The following LPAR5 variants were observed in gnomAD, a reference collection of about 807,000 sequenced individuals.
LPAR5 encodes the protein G protein-coupled receptor 92.
For missense variants in LPAR5, 544 were observed against 521.8 expected (o/e 1.04, Z -0.41); for synonymous variants, 271 against 261.6 (o/e 1.04, Z -0.35).
chr12:6,619,418 A>G lies in LPAR5; in HGVS notation c.*712T>C, dbSNP rs1948866978. 6.5e-6 allele frequency: 1 copy of G among 153,496 alleles called. No individual in the cohort carries two copies. Among genetic ancestry groups the G allele is most frequent in the Non-Finnish European group, 1.5e-5 (1 of 68,936 alleles). The allele number at this position is 153,496 out of a possible 1,614,324, so 9.5% of individuals were successfully genotyped here. On this transcript the variant is annotated 3_prime_UTR_variant, in exon 2 of 2. Transcript: ENST00000329858. Reference sequence around the variant, plus strand: ...AGAGAGAGAAAAAGAAAGAATATTAAGGACCTAAAATGGAGGAGGCCTGGA... The same window carrying G: ...AGAGAGAGAAAAAGAAAGAATATTAGGGACCTAAAATGGAGGAGGCCTGGA...
chr12:6,625,467 A>G (rs948497732), intron 1 of LPAR5, among the ~76,000 whole-genome samples: 3 of 148,982 alleles, frequency 2.0e-5, no homozygotes, highest in Admixed American at 6.8e-5. Flanking sequence ...CATGCCTGTA[A>G]TCCCAGCACT....
chr12:6,634,081 C>A (rs1394340711), intron 1 of LPAR5, among the ~76,000 whole-genome samples: 2 of 152,064 alleles, frequency 1.3e-5, no homozygotes, highest in Non-Finnish European at 2.9e-5. Context: ...TCTCAGCTCA[C>A]TGCAACCTCC....
At chr12:6,624,889 G>A (rs145091553) in intron 1 of LPAR5, among the ~76,000 whole-genome samples, 129 of 151,562 alleles carry the variant, frequency 8.5e-4, no homozygotes, top group African/African-American at 2.9e-3. Flanking sequence ...CAAAGTGCTG[G>A]GATTACAGAT....
In LPAR5 at chr12:6,620,232, G is replaced by A. The variant is rs374223426; in HGVS notation, c.1017C>T (p.Thr339=). 1.9e-6 allele frequency: 3 copies of A among 1,611,612 alleles called. No homozygotes were observed. The highest frequency in any genetic ancestry group is 1.3e-5 in the African/African-American group (1 of 75,040). The stretch of plus-strand genomic sequence containing the variant: ...TGGCGGCATCCGGCCTGGTGGCGTC[G>A]GTGGTGACGGCGGACCTTTCGGATT... The part of the protein sequence containing the change: ...LAQSERSAVT[T]DATRPDAASQ... The change falls in exon 2 of 2, where the codon ACC becomes ACT. Residue 339 remains threonine, a synonymous_variant. Transcript: ENST00000329858. This position sits in a 1 kb window ranked among gnomAD's most constrained non-coding sequence, Gnocchi z 6.8.
Position 6,620,390 on chromosome 12 carries a change from C to A in LPAR5, c.859G>T (p.Gly287Cys). The A allele has an allele frequency of 6.2e-7, 1 of 1,611,426 alleles. No homozygotes were observed. The highest frequency in any genetic ancestry group is 8.5e-7 in the Non-Finnish European group (1 of 1,179,216). ...GVLMVMVLLA[G>C]ANCVLDPLVY... ...AGCGGGTCCAGCACGCAGTTGGCGC[C>A]GGCCAGCAGCACCATCACCATCAGC... The change falls in exon 2 of 2, where the codon GGC becomes TGC. Residue 287 changes from glycine to cysteine, a missense_variant. By Grantham distance (159) the Gly-to-Cys change is radical. Coordinates refer to ENST00000329858, the MANE Select transcript of LPAR5 (RefSeq NM_020400.6). This position sits in a 1 kb window ranked among gnomAD's most constrained non-coding sequence, Gnocchi z 6.8.
Position 6,629,400 on chromosome 12 carries a change from C to G in LPAR5, c.-217+6507G>C, listed in dbSNP as rs7979022. Among the ~76,000 whole-genome samples, 5 of 146,956 alleles carry G rather than the reference C, an allele frequency of 3.4e-5. 1 individual carries two copies. The highest frequency in any genetic ancestry group is 3.0e-5 in the Non-Finnish European group (2 of 67,060). On this transcript the variant is annotated intron_variant, in intron 1 of 1. Coordinates refer to ENST00000329858, the MANE Select transcript of LPAR5 (RefSeq NM_020400.6). ...CAAAAAAAAAAAAAAAAGGGCCAAG[C>G]GCGGTGGCTTACACCTGTAATCCCA...
At chr12:6,626,803 G>A (rs755217770) in intron 1 of LPAR5, among the ~76,000 whole-genome samples, 2 of 152,106 alleles carry the variant, frequency 1.3e-5, no homozygotes, top group African/African-American at 2.4e-5. Flanking sequence ...AACCGCCCCC[G>A]CAACACAAGG....
In LPAR5 at chr12:6,619,806, T is replaced by C; in HGVS notation, c.*324A>G. ...CAGAATGCCCATTTTCTGTTCCATC[T>C]AACCAGCTTTTAGCAGTTTAATGCC... On this transcript the variant is annotated 3_prime_UTR_variant, in exon 2 of 2. Transcript: ENST00000329858. 1 of 475,810 alleles carries C rather than the reference T, an allele frequency of 2.1e-6. No individual in the cohort carries two copies. Among genetic ancestry groups the C allele is most frequent in the African/African-American group, 1.9e-5 (1 of 51,386 alleles). The allele number at this position is 475,810 out of a possible 1,614,324, so 29.5% of individuals were successfully genotyped here.
At position 6,620,920 on chromosome 12, in the gene LPAR5, A is replaced by T; in HGVS notation, c.329T>A (p.Ile110Asn). The T allele has an allele frequency of 6.2e-7, 1 of 1,603,246 alleles. No homozygotes were observed. The highest frequency in any genetic ancestry group is 1.7e-4 in the Middle Eastern group (1 of 6,036). The change falls in exon 2 of 2, where the codon ATC (isoleucine) becomes AAC (asparagine). Residue 110 changes from isoleucine (I) to asparagine (N), a missense_variant. Ile to Asn is a moderately radical substitution (Grantham distance 149). Transcript: ENST00000329858. The surrounding 1 kb of genome is among the most constrained non-coding windows in gnomAD (Gnocchi z 6.8). The stretch of plus-strand genomic sequence containing the variant: ...GTCCACGTTGATGAGCATCAGGAAG[A>T]TGCAGCTGCCGTACATGTTCATCTG... ...IFQMNMYGSC[I>N]FLMLINVDRY...
chr12:6,618,859 T>C lies in LPAR5; in HGVS notation c.*1271A>G, dbSNP rs1176658673. Reference sequence around the variant, plus strand: ...AGACTATCAGTAGTGATTAATTTATTTAGCACTGCCCTCTCCCCACAGTAA... The same window carrying C: ...AGACTATCAGTAGTGATTAATTTATCTAGCACTGCCCTCTCCCCACAGTAA... On this transcript the variant is annotated 3_prime_UTR_variant, in exon 2 of 2. Transcript: ENST00000329858. 1 of 152,208 alleles carries C rather than the reference T, an allele frequency of 6.6e-6. No individual in the cohort carries two copies. The highest frequency in any genetic ancestry group is 6.5e-5 in the Admixed American group (1 of 15,276). 9.4% of individuals were successfully genotyped at this position (152,208 alleles called of 1,614,324 possible).
rs1240180648 is a variant in LPAR5 at position 6,620,761 on chromosome 12, G to A, written c.488C>T (p.Ser163Leu). 1 of 1,592,134 alleles carries A rather than the reference G, an allele frequency of 6.3e-7. No homozygotes were observed. Among genetic ancestry groups the A allele is most frequent in the South Asian group, 1.1e-5 (1 of 88,628 alleles). ...CTCGAGGTCCCGGTAGCGGCAACGC[G>A]AGGGCCTGTGCACGCGGGCGGCGGG... ...AVPAARVHRP[S>L]RCRYRDLEVR... Residue 163 changes from serine (S) to leucine (L), a missense_variant, in exon 2 of 2, where the codon TCG becomes TTG. Transcript: ENST00000329858. This position sits in a 1 kb window ranked among gnomAD's most constrained non-coding sequence, Gnocchi z 6.8.
At position 6,621,002 on chromosome 12, in the gene LPAR5, C is replaced by CGTA. The variant is rs1390928898; in HGVS notation, c.244_246dup (p.Tyr82dup). The CGTA allele has an allele frequency of 5.0e-6, 8 of 1,613,198 alleles. No individual in the cohort carries two copies. Among genetic ancestry groups the CGTA allele is most frequent in the Non-Finnish European group, 6.8e-6 (8 of 1,179,710 alleles). On this transcript the variant is annotated inframe_insertion, in exon 2 of 2. Transcript: ENST00000329858. Reference sequence around the variant, plus strand: ...TCGGGGAAGGGCCAGTGGTGCAGTGCGTAGTAGGAGAGACGAACGGGCAGC... The same window carrying CGTA: ...TCGGGGAAGGGCCAGTGGTGCAGTGCGTAGTAGTAGGAGAGACGAACGGGCAGC...
At chr12:6,634,295 A>G (rs1283693256) in intron 1 of LPAR5, among the ~76,000 whole-genome samples, 1 of 150,266 alleles carries the variant, frequency 6.7e-6, no homozygotes, top group East Asian at 2.1e-4. Flanking sequence ...GTGAGCCACC[A>G]CGCTCCGCTC....
chr12:6,631,887 C>A (rs56086523), intron 1 of LPAR5, among the ~76,000 whole-genome samples: 2,700 of 152,304 alleles, frequency 0.018, 100 homozygotes, highest in African/African-American at 0.062. Context: ...CCCAGTTCCT[C>A]CCCCATACCC....
intron 1 of LPAR5, among the ~76,000 whole-genome samples, chr12:6,630,935 T>C (rs542756704): frequency 6.6e-6 from 1 of 152,262 alleles, no homozygotes; most frequent in South Asian, 2.1e-4. Context: ...CCAGGCCAGA[T>C]GGCGAAGATG....
At position 6,620,287 on chromosome 12, in the gene LPAR5, G is replaced by T; in HGVS notation, c.962C>A (p.Ala321Asp). The T allele has an allele frequency of 6.2e-7, 1 of 1,606,074 alleles. No homozygotes were observed. The highest frequency in any genetic ancestry group is 8.5e-7 in the Non-Finnish European group (1 of 1,176,326). ...GAGCGCCGCCCGCGTCCCGTTGGTG[G>T]CCGAGGTCCTGGCCCGGTGCGGAGT... ...LGTPHRARTSATNGTRAALAQ... is the reference protein window; with the variant it reads ...LGTPHRARTSDTNGTRAALAQ... The change falls in exon 2 of 2, where the codon GCC becomes GAC. Residue 321 changes from alanine (A) to aspartate (D), a missense_variant. Coordinates refer to ENST00000329858, the MANE Select transcript of LPAR5 (RefSeq NM_020400.6). This position sits in a 1 kb window ranked among gnomAD's most constrained non-coding sequence, Gnocchi z 6.8.
At chr12:6,628,974 T>C (rs1326494428) in intron 1 of LPAR5, among the ~76,000 whole-genome samples, 1 of 151,604 alleles carries the variant, frequency 6.6e-6, no homozygotes, top group Non-Finnish European at 1.5e-5. Context: ...TTTCACTATG[T>C]TGGCCAGGCT....
intron 1 of LPAR5, among the ~76,000 whole-genome samples, chr12:6,624,387 T>C (rs1948918957): frequency 6.6e-6 from 1 of 152,152 alleles, no homozygotes. Flanking sequence ...GAAATAGAAC[T>C]TTTTCATCAA....
chr12:6,620,687 G>C lies in LPAR5; in HGVS notation c.562C>G (p.Leu188Val). The change falls in exon 2 of 2, where the codon CTG becomes GTG. Residue 188 changes from leucine to valine, a missense_variant. Transcript: ENST00000329858. The surrounding 1 kb of genome is among the most constrained non-coding windows in gnomAD (Gnocchi z 6.8). ...TCGGCCAGCAGCACGAGGGGCAGCA[G>C]CCTGCCTTTCCACAGCTCGTCGCTG... ...SFSDELWKGR[L>V]LPLVLLAEAL... 1.3e-6 allele frequency: 2 copies of C among 1,570,528 alleles called. No individual in the cohort carries two copies. Among genetic ancestry groups the C allele is most frequent in the Non-Finnish European group, 1.7e-6 (2 of 1,157,738 alleles).
Sources: allele counts gnomAD v4.1 joint callset (sites outside exome capture counted in the v4.1 genomes callset), GRCh38; gene constraint gnomAD v4.1.1; non-coding constraint Gnocchi (gnomAD v3.1); transcripts MANE v1.5; gene names NCBI Gene and HGNC (gene_info 2026-07-23, HGNC 2026-07-21).